The following PAPPA variants were observed in gnomAD, a reference collection of about 807,000 sequenced individuals.
PAPPA encodes the protein pappalysin 1, also known as pappalysin-1.
In PAPPA, 60 loss-of-function variants were observed where a neutral mutation model predicts 164.0. The ratio of observed to expected loss-of-function variants is 0.37; its 90% CI spans 0.30 to 0.45. The LOEUF is 0.45. PAPPA is among the 20% of genes least tolerant of loss of function. PAPPA has a pLI of 1.00. For missense variants in PAPPA, 1,782 were observed against 2,087.3 expected (o/e 0.85, Z 2.85); for synonymous variants, 875 against 814.1 (o/e 1.07, Z -1.27).
rs775891849 is a variant in PAPPA, at chr9:116,187,248, C to G, written c.510C>G (p.Tyr170Ter). The change falls in exon 2 of 22, where the codon TAC becomes TAG. Residue 170 changes from tyrosine (Y) to a stop codon, truncating the protein, a stop_gained. Transcript: ENST00000328252. LOFTEE classifies it high-confidence loss of function. This position sits in a 1 kb window ranked among gnomAD's most constrained non-coding sequence, Gnocchi z 4.2. The part of the protein sequence containing the change: ...ISDQDNKDPR[Y>*]FFSLKTDRAR... ...ACCAAGACAACAAAGACCCACGCTA[C>G]TTTTTCTCCTTGAAGACAGACCGAG... 6.2e-7 allele frequency: 1 copy of G among 1,614,180 alleles called. No individual in the cohort carries two copies. Among genetic ancestry groups the G allele is most frequent in the Non-Finnish European group, 8.5e-7 (1 of 1,180,028 alleles).
At chr9:116,161,581 T>G (rs1426036604) in intron 1 of PAPPA, among the ~76,000 whole-genome samples, 1 of 152,168 alleles carries the variant, frequency 6.6e-6, no homozygotes, top group African/African-American at 2.4e-5. Flanking sequence ...TTAATCTTGA[T>G]AGGTGTGATA....
intron 9 of PAPPA, chr9:116,288,597 T>C (rs1564211734): frequency 1.3e-5 from 2 of 151,692 alleles, no homozygotes; most frequent in Non-Finnish European, 2.9e-5. Context: ...TCAGAACATA[T>C]AGATTTAAGT....
rs537118229 is a variant in PAPPA, at chr9:116,250,970, G to A, written c.2733-14887G>A. Among the ~76,000 whole-genome samples, 8 of 152,312 alleles carry A rather than the reference G, an allele frequency of 5.3e-5. No individual in the cohort carries two copies. The South Asian group carries it at 1.0e-3, about 20-fold the overall frequency. On this transcript the variant is annotated intron_variant, in intron 7 of 21. Transcript: ENST00000328252. ...AATCTTAGAGAGCTGACATAGTAAC[G>A]TCATGGCAGCTGGTGCCGGTGATGG...
At chr9:116,156,288 G>A (rs1459677010) in intron 1 of PAPPA, among the ~76,000 whole-genome samples, 28 of 141,796 alleles carry the variant, frequency 2.0e-4, no homozygotes, top group South Asian at 6.8e-4. Context: ...GTGTGTGTGT[G>A]TATATATATA....
intron 7 of PAPPA, 102 bp downstream of exon 7, chr9:116,235,739 C>G: frequency 9.2e-7 from 1 of 1,087,044 alleles, no homozygotes; most frequent in Non-Finnish European, 1.4e-6. Flanking sequence ...TCATCACAGT[C>G]AAGACTCACT....
intron 6 of PAPPA, among the ~76,000 whole-genome samples, chr9:116,227,759 T>C (rs1344811744): frequency 6.6e-6 from 1 of 152,224 alleles, no homozygotes; most frequent in Non-Finnish European, 1.5e-5. Flanking sequence ...GTTGTTCTCA[T>C]ATTACAAATG....
intron 8 of PAPPA, among the ~76,000 whole-genome samples, chr9:116,269,898 C>T (rs1343830247): frequency 6.6e-6 from 1 of 152,202 alleles, no homozygotes; most frequent in African/African-American, 2.4e-5. Context: ...TTCTTCTTTG[C>T]TCATAGGTGT....
chr9:116,187,866 C>T lies in PAPPA; in HGVS notation c.1128C>T (p.Asp376=). 6.2e-7 allele frequency: 1 copy of T among 1,614,212 alleles called. No homozygotes were observed. The highest frequency in any genetic ancestry group is 8.5e-7 in the Non-Finnish European group (1 of 1,180,046). The change falls in exon 2 of 22, where the codon GAC becomes GAT. Residue 376 remains aspartate (D), a synonymous_variant. Transcript: ENST00000328252. The surrounding 1 kb of genome is among the most constrained non-coding windows in gnomAD (Gnocchi z 4.2). ...CGACGGTGACGCGCGAGCAGGTGGA[C>T]TTCCAGCACCATCAGCTGGCTGAGG... ...KNPTVTREQV[D]FQHHQLAEAF...
chr9:116,353,280 G>T lies in PAPPA; in HGVS notation c.4176-342G>T, dbSNP rs567011562. ...AAAGTGCTCACAAAATGCTTTGCAC[G>T]TAGTAGTTGTTCAGTAAATGGTGGG... On this transcript the variant is annotated intron_variant, in intron 16 of 21. Coordinates refer to ENST00000328252, the MANE Select transcript of PAPPA (RefSeq NM_002581.5). Among the ~76,000 whole-genome samples the T allele has an allele frequency of 4.1e-4, 63 of 152,264 alleles. No homozygotes were observed. The South Asian group carries it at 4.4e-3, about 11-fold the overall frequency.
chr9:116,337,884 A>G (rs1187437745), intron 13 of PAPPA, among the ~76,000 whole-genome samples: 2 of 152,146 alleles, frequency 1.3e-5, no homozygotes, highest in African/African-American at 4.8e-5. Context: ...ATAAATTCAG[A>G]GACCCAAGAA....
At chr9:116,185,570 CT>C (rs1360853716) in intron 1 of PAPPA, among the ~76,000 whole-genome samples, 4 of 152,170 alleles carry the variant, frequency 2.6e-5, no homozygotes, top group South Asian at 2.1e-4. Context: ...AAATGAGCAT[CT>C]TTTATTCACT....
chr9:116,248,107 A>T (rs2118773100), intron 7 of PAPPA, among the ~76,000 whole-genome samples: 1 of 152,320 alleles, frequency 6.6e-6, no homozygotes, highest in East Asian at 1.9e-4. Context: ...TAAAAGGCAA[A>T]CACTCTGACA....
In PAPPA at chr9:116,187,926, C is replaced by T. The variant is rs778522678; in HGVS notation, c.1188C>T (p.Asp396=). 24 of 1,614,130 alleles carry T rather than the reference C, an allele frequency of 1.5e-5. No homozygotes were observed. The highest frequency in any genetic ancestry group is 6.6e-5 in the South Asian group (6 of 91,082). ...FKQYNISWEL[D]VLEVSNSSLR... ...AATACAACATCTCCTGGGAGCTGGA[C>T]GTGCTGGAGGTGAGCAACTCCTCCC... Residue 396 remains aspartate, a synonymous_variant, in exon 2 of 22, where the codon GAC becomes GAT. Coordinates refer to ENST00000328252, the MANE Select transcript of PAPPA (RefSeq NM_002581.5). This position sits in a 1 kb window ranked among gnomAD's most constrained non-coding sequence, Gnocchi z 4.2.
intron 19 of PAPPA, among the ~76,000 whole-genome samples, chr9:116,373,891 C>T (rs1338462364): frequency 6.6e-6 from 1 of 152,014 alleles, no homozygotes; most frequent in Non-Finnish European, 1.5e-5. Flanking sequence ...TTGTGTAAAC[C>T]AGAGTCAAAA....
At chr9:116,223,179 T>C (rs772534915) in intron 5 of PAPPA, among the ~76,000 whole-genome samples, 1 of 152,146 alleles carries the variant, frequency 6.6e-6, no homozygotes, top group Admixed American at 6.5e-5. Context: ...CCATCCTCAC[T>C]GGGAGCACAG....
intron 10 of PAPPA, among the ~76,000 whole-genome samples, chr9:116,313,295 C>T (rs769328556): frequency 7.9e-5 from 12 of 152,034 alleles, no homozygotes; most frequent in Non-Finnish European, 1.5e-4. Flanking sequence ...GGGCTCCTGC[C>T]CACCCCAGAA....
intron 4 of PAPPA, among the ~76,000 whole-genome samples, chr9:116,214,076 A>G (rs529155660): frequency 6.6e-6 from 1 of 152,340 alleles, no homozygotes; most frequent in Admixed American, 6.5e-5. Context: ...CACTGCCAAC[A>G]GAACTTTCTA....
At chr9:116,201,476 G>C (rs1199774306) in intron 2 of PAPPA, among the ~76,000 whole-genome samples, 1 of 152,192 alleles carries the variant, frequency 6.6e-6, no homozygotes, top group African/African-American at 2.4e-5. Flanking sequence ...TTAATCCAGT[G>C]TTGGGAACCA....
rs1405933365 is a variant in PAPPA at position 116,219,951 on chromosome 9, G to T, written c.1933G>T (p.Asp645Tyr). Reference protein sequence around the residue: ...FMSYADDDCTDSFTPNQVARM... With the variant: ...FMSYADDDCTYSFTPNQVARM... ...CCTGCTTGCAGATGACGACTGTACG[G>T]ACTCCTTCACGCCCAATCAAGTCGC... The change falls in exon 5 of 22, where the codon GAC becomes TAC. Residue 645 changes from aspartate to tyrosine, a missense_variant. Asp to Tyr is a radical substitution (Grantham distance 160). Around this residue, in one of 2 missense-constraint regions of PAPPA, gnomAD observed 1,324 missense variants for 1,656.9 expected, o/e 0.80. Transcript: ENST00000328252. 1.9e-6 allele frequency: 3 copies of T among 1,613,112 alleles called. No homozygotes were observed. The South Asian group carries it at 3.3e-5, about 18-fold the overall frequency.
Sources: gnomAD v4.1 joint callset for allele counts (sites outside exome capture counted in the v4.1 genomes callset) on GRCh38, gnomAD v4.1.1 for gene constraint, gnomAD v4.1.1 regional missense constraint, Gnocchi (gnomAD v3.1) non-coding constraint, MANE v1.5 for transcripts, NCBI Gene and HGNC (gene_info 2026-07-23, HGNC 2026-07-21) for gene names.